The following SIPA1L1 variants were observed in gnomAD, a reference collection of about 807,000 sequenced individuals.
SIPA1L1 encodes the protein signal-induced proliferation-associated 1-like protein 1.
Under a neutral mutation model 162.7 loss-of-function variants are expected in SIPA1L1, and 26 were observed. The observed-to-expected ratio is 0.16, with a 90% CI of 0.12 to 0.22. The LOEUF is 0.22. SIPA1L1 is among the 10% of genes least tolerant of loss of function. The pLI is 1.00. For synonymous variants in SIPA1L1, 829 were observed against 837.4 expected (o/e 0.99, Z 0.17); for missense variants, 1,874 against 2,241.0 (o/e 0.84, Z 3.31).
At chr14:71,700,731 T>A (rs1467441180) in intron 14 of SIPA1L1, among the ~76,000 whole-genome samples, 11 of 152,098 alleles carry the variant, frequency 7.2e-5, no homozygotes, top group Non-Finnish European at 1.6e-4. Flanking sequence ...ACGGTGGCTG[T>A]CGCCTGTAAT....
At chr14:71,693,272 C>T (rs914737385) in intron 13 of SIPA1L1, among the ~76,000 whole-genome samples, 1 of 152,072 alleles carries the variant, frequency 6.6e-6, no homozygotes, top group Non-Finnish European at 1.5e-5. Context: ...TTGGGGAGGT[C>T]GAGGCAAGTG....
intron 2 of SIPA1L1, among the ~76,000 whole-genome samples, chr14:71,423,150 G>A (rs537491899): frequency 1.3e-5 from 2 of 152,072 alleles, no homozygotes; most frequent in South Asian, 4.2e-4. Flanking sequence ...CAAGATCTTT[G>A]CCCATTTTTG....
At chr14:71,571,304 C>A (rs1436303943) in intron 4 of SIPA1L1, among the ~76,000 whole-genome samples, 1 of 151,838 alleles carries the variant, frequency 6.6e-6, no homozygotes, top group Non-Finnish European at 1.5e-5. Context: ...ATGAATAGAA[C>A]ATTTACAGAA....
At chr14:71,559,320 G>A (rs920411142) in intron 4 of SIPA1L1, among the ~76,000 whole-genome samples, 2 of 152,014 alleles carry the variant, frequency 1.3e-5, no homozygotes, top group African/African-American at 4.8e-5. Context: ...TGCCCGCCTC[G>A]GCCTCCCAAA....
chr14:71,629,302 AT>A (rs966038967), intron 7 of SIPA1L1, among the ~76,000 whole-genome samples: 20 of 152,176 alleles, frequency 1.3e-4, no homozygotes, highest in African/African-American at 4.6e-4. Context: ...TCCATGAATT[AT>A]TTTAATTAAT....
intron 10 of SIPA1L1, among the ~76,000 whole-genome samples, chr14:71,667,598 A>G (rs570583437): frequency 6.6e-6 from 1 of 152,302 alleles, no homozygotes; most frequent in Admixed American, 6.5e-5. Context: ...CCTGGCCAGT[A>G]ATCTGATTCA....
intron 16 of SIPA1L1, among the ~76,000 whole-genome samples, chr14:71,706,548 A>G (rs1266553634): frequency 1.3e-5 from 2 of 152,334 alleles, no homozygotes; most frequent in African/African-American, 2.4e-5. Context: ...AAAGTACTCA[A>G]TAGCCACACA....
chr14:71,458,168 TGGTTTTG>T (rs1300377779), intron 2 of SIPA1L1, among the ~76,000 whole-genome samples: 1 of 152,218 alleles, frequency 6.6e-6, no homozygotes, highest in African/African-American at 2.4e-5. Context: ...GCAAGCTTCA[TGGTTTTG>T]GCCTTGAGTT....
chr14:71,456,364 G>A (rs966341401), intron 2 of SIPA1L1, among the ~76,000 whole-genome samples: 1 of 152,206 alleles, frequency 6.6e-6, no homozygotes, highest in Non-Finnish European at 1.5e-5. Context: ...ATTGATACAA[G>A]TATTCAACAT....
chr14:71,507,118 C>T (rs889093223), intron 2 of SIPA1L1, among the ~76,000 whole-genome samples: 3 of 152,144 alleles, frequency 2.0e-5, no homozygotes, highest in African/African-American at 7.2e-5. Flanking sequence ...TTCTTGCCTT[C>T]TAGGTTAAAT....
At chr14:71,403,716 C>T (rs2041845098) in intron 2 of SIPA1L1, among the ~76,000 whole-genome samples, 1 of 151,836 alleles carries the variant, frequency 6.6e-6, no homozygotes, top group Non-Finnish European at 1.5e-5. Flanking sequence ...GAAGCAGTAC[C>T]CTTCAAAATT....
intron 4 of SIPA1L1, among the ~76,000 whole-genome samples, chr14:71,543,951 AC>A (rs1360943049): frequency 6.1e-4 from 91 of 150,408 alleles, no homozygotes; most frequent in Non-Finnish European, 1.1e-3. Flanking sequence ...ATATACATAT[AC>A]GCACATGTAT....
chr14:71,490,223 A>AT (rs992388937), intron 2 of SIPA1L1, among the ~76,000 whole-genome samples: 6 of 151,772 alleles, frequency 4.0e-5, no homozygotes, highest in East Asian at 3.9e-4. Context: ...GAAGGACAAT[A>AT]TTTTTTTTTC....
intron 8 of SIPA1L1, among the ~76,000 whole-genome samples, chr14:71,657,009 T>C (rs753541604): frequency 8.5e-5 from 13 of 152,188 alleles, no homozygotes; most frequent in Non-Finnish European, 1.8e-4. Context: ...AGACTTTGTC[T>C]GAGAGCATCG....
chr14:71,646,260 T>C (rs1310199555), intron 7 of SIPA1L1, among the ~76,000 whole-genome samples: 1 of 150,942 alleles, frequency 6.6e-6, no homozygotes, highest in Non-Finnish European at 1.5e-5. Context: ...CACTGCAAGC[T>C]CAGCCTCCCG....
At chr14:71,618,202 C>G (rs761828035) in intron 5 of SIPA1L1, among the ~76,000 whole-genome samples, 1 of 152,206 alleles carries the variant, frequency 6.6e-6, no homozygotes, top group South Asian at 2.1e-4. Flanking sequence ...GGTCCTGCCT[C>G]CCTGGGGCAC....
At chr14:71,562,813 C>T (rs889925939) in intron 4 of SIPA1L1, among the ~76,000 whole-genome samples, 6 of 152,096 alleles carry the variant, frequency 3.9e-5, no homozygotes, top group Non-Finnish European at 7.4e-5. Flanking sequence ...GCCACCACAC[C>T]CGGCTAATTT....
intron 17 of SIPA1L1, among the ~76,000 whole-genome samples, chr14:71,719,736 G>C (rs763731029): frequency 2.6e-5 from 4 of 152,096 alleles, no homozygotes; most frequent in Non-Finnish European, 5.9e-5. Flanking sequence ...CAGGTGATCT[G>C]CCTGCCTTGG....
chr14:71,571,614 C>T (rs2032038216), intron 4 of SIPA1L1, among the ~76,000 whole-genome samples: 2 of 151,838 alleles, frequency 1.3e-5, no homozygotes, highest in African/African-American at 4.8e-5. Flanking sequence ...CAACAGAATA[C>T]CTGAAACTGG....
Sources: gnomAD v4.1 joint callset for allele counts (sites outside exome capture counted in the v4.1 genomes callset) on GRCh38, gnomAD v4.1.1 for gene constraint, MANE v1.5 for transcripts, NCBI Gene and HGNC (gene_info 2026-07-23, HGNC 2026-07-21) for gene names.